The following AKAP19 variants were observed in gnomAD, a reference collection of about 807,000 sequenced individuals.
The protein encoded by AKAP19 is A-kinase anchoring protein 19.
At chr2:190,199,911 A>G in the AKAP19 span, 3 of 1,614,114 alleles carry the variant, frequency 1.9e-6, no homozygotes. Flanking sequence ...CCATATATGA[A>G]GGTGAGAAGC....
At chr2:189,926,409 C>T in the AKAP19 span, among the ~76,000 whole-genome samples, 2 of 151,998 alleles carry the variant, frequency 1.3e-5, no homozygotes, top group South Asian at 4.2e-4. Flanking sequence ...ATTCTCCTGC[C>T]TCAGCCTTCC....
At chr2:189,971,112 T>C in the AKAP19 span, among the ~76,000 whole-genome samples, 1 of 152,196 alleles carries the variant, frequency 6.6e-6, no homozygotes, top group Non-Finnish European at 1.5e-5. Flanking sequence ...TAGGTATTTC[T>C]CCTAATGCTA....
At chr2:190,007,818 T>G in the AKAP19 span, among the ~76,000 whole-genome samples, 1 of 151,898 alleles carries the variant, frequency 6.6e-6, no homozygotes, top group South Asian at 2.1e-4. Context: ...AAAAATTAGC[T>G]GGGTGTGGTG....
the AKAP19 span, among the ~76,000 whole-genome samples, chr2:190,121,113 C>CTTTTTTTTTTTTTTT: frequency 1.5e-5 from 2 of 133,632 alleles, no homozygotes; most frequent in Non-Finnish European, 1.6e-5. Context: ...AAATCTAAGT[C>CTTTTTTTTTTTTTTT]TTTTTTTTTT....
At chr2:190,048,499 G>A in the AKAP19 span, among the ~76,000 whole-genome samples, 85 of 152,230 alleles carry the variant, frequency 5.6e-4, no homozygotes, top group African/African-American at 1.9e-3. Flanking sequence ...AGACAACTTT[G>A]TATCAGCCCA....
the AKAP19 span, among the ~76,000 whole-genome samples, chr2:189,881,982 A>G: frequency 1.3e-5 from 2 of 152,252 alleles, no homozygotes; most frequent in East Asian, 3.9e-4. Context: ...AGGCTTTTAA[A>G]TTGGCTTTGA....
chr2:190,079,890 T>TGTGTGTGTGTGA, the AKAP19 span: 18 of 109,534 alleles, frequency 1.6e-4, no homozygotes, highest in African/African-American at 3.9e-4. Flanking sequence ...TGTGTGTGTG[T>TGTGTGTGTGTGA]GAGAGAGAGA....
At chr2:190,018,624 A>G in the AKAP19 span, among the ~76,000 whole-genome samples, 4 of 152,092 alleles carry the variant, frequency 2.6e-5, no homozygotes. Context: ...TTTATCAGTC[A>G]TTCCATAGAT....
the AKAP19 span, among the ~76,000 whole-genome samples, chr2:189,949,328 T>A: frequency 6.6e-6 from 1 of 151,638 alleles, no homozygotes; most frequent in Non-Finnish European, 1.5e-5. Flanking sequence ...CCAAGGCGAG[T>A]GGATCACGAG....
At chr2:190,184,663 C>T in the AKAP19 span, among the ~76,000 whole-genome samples, 1 of 152,084 alleles carries the variant, frequency 6.6e-6, no homozygotes, top group Non-Finnish European at 1.5e-5. Context: ...GATACGGCTT[C>T]CCCTATCCTC....
the AKAP19 span, among the ~76,000 whole-genome samples, chr2:189,908,243 G>A: frequency 6.7e-6 from 1 of 150,140 alleles, no homozygotes; most frequent in Non-Finnish European, 1.5e-5. Flanking sequence ...GCTTAGGCTG[G>A]AGTGCAGTGG....
At chr2:189,991,123 T>G in the AKAP19 span, among the ~76,000 whole-genome samples, 2 of 152,222 alleles carry the variant, frequency 1.3e-5, no homozygotes, top group African/African-American at 4.8e-5. Flanking sequence ...TGGTTTTATA[T>G]TTTTGCAATT....
the AKAP19 span, among the ~76,000 whole-genome samples, chr2:189,997,590 C>G: frequency 6.6e-6 from 1 of 152,148 alleles, no homozygotes; most frequent in Non-Finnish European, 1.5e-5. Flanking sequence ...TCCCATGCAG[C>G]TGGCGAAGCT....
chr2:190,051,991 C>T, the AKAP19 span, among the ~76,000 whole-genome samples: 1 of 151,998 alleles, frequency 6.6e-6, no homozygotes, highest in African/African-American at 2.4e-5. Flanking sequence ...GCGCCCGCCA[C>T]CACGCCTGGC....
At chr2:190,170,069 C>A in the AKAP19 span, among the ~76,000 whole-genome samples, 1,034 of 152,254 alleles carry the variant, frequency 6.8e-3, 6 homozygotes, top group African/African-American at 0.022. Context: ...AAACTTATGT[C>A]CCAGTTCTGC....
At chr2:189,936,577 C>T in the AKAP19 span, among the ~76,000 whole-genome samples, 1 of 151,884 alleles carries the variant, frequency 6.6e-6, no homozygotes, top group African/African-American at 2.4e-5. Flanking sequence ...GGACAAGAAG[C>T]AAAATCAAGG....
chr2:190,134,912 A>G, the AKAP19 span, among the ~76,000 whole-genome samples: 1 of 152,062 alleles, frequency 6.6e-6, no homozygotes, highest in African/African-American at 2.4e-5. Context: ...AGTATTTATT[A>G]TATATTCCTA....
chr2:190,026,122 T>C, the AKAP19 span, among the ~76,000 whole-genome samples: 5 of 152,224 alleles, frequency 3.3e-5, no homozygotes, highest in African/African-American at 1.2e-4. Flanking sequence ...GATATTATTT[T>C]TTCTATAATA....
chr2:189,944,938 T>TCAGTTA, the AKAP19 span, among the ~76,000 whole-genome samples: 10 of 151,990 alleles, frequency 6.6e-5, no homozygotes, highest in South Asian at 1.9e-3. Context: ...AGTAAAAAAA[T>TCAGTTA]GAATGTTAGA....
Sources: allele counts gnomAD v4.1 joint callset (sites outside exome capture counted in the v4.1 genomes callset), GRCh38; gene constraint gnomAD v4.1.1; transcripts MANE v1.5; gene names NCBI Gene and HGNC (gene_info 2026-07-23, HGNC 2026-07-21).